The following HSD17B3 variants were observed in gnomAD, a reference collection of about 807,000 sequenced individuals.
The protein encoded by HSD17B3 is 17-beta-hydroxysteroid dehydrogenase type 3.
In HSD17B3, 29 loss-of-function variants were observed where a neutral mutation model predicts 41.1. That is an observed-to-expected ratio of 0.71 (90% CI 0.53 to 0.96). HSD17B3 has a LOEUF of 0.96. Ranked by LOEUF, HSD17B3 falls within the 40% of genes least tolerant of loss-of-function variation. The probability of loss-of-function intolerance (pLI) is 0.00; values close to 1 mark genes in which losing one functional copy is unlikely to be tolerated. For synonymous variants in HSD17B3, 126 were observed against 145.6 expected (o/e 0.87, Z 0.97); for missense variants, 323 against 374.6 (o/e 0.86, Z 1.14).
At chr9:96,289,114 A>AG (rs1440307391) in intron 2 of HSD17B3, among the ~76,000 whole-genome samples, 2 of 150,546 alleles carry the variant, frequency 1.3e-5, no homozygotes, top group Non-Finnish European at 2.9e-5. Flanking sequence ...ATCCCTAAAA[A>AG]AAAACAAAAA....
At chr9:96,266,104 G>A (rs1361056700) in intron 2 of HSD17B3, among the ~76,000 whole-genome samples, 1 of 152,202 alleles carries the variant, frequency 6.6e-6, no homozygotes, top group Non-Finnish European at 1.5e-5. Flanking sequence ...TAGAGATACA[G>A]GCAAGATTTA....
At chr9:96,286,703 A>C (rs10990237) in intron 2 of HSD17B3, among the ~76,000 whole-genome samples, 69 of 78,420 alleles carry the variant, frequency 8.8e-4, no homozygotes, top group Admixed American at 1.9e-3. Context: ...AAAAAAAAAC[A>C]AAAAAAAAAC....
chr9:96,249,883 G>A (rs1836825931), intron 5 of HSD17B3, 97 bp from the exon 6 acceptor site: 4 of 1,607,070 alleles, frequency 2.5e-6, no homozygotes, highest in Non-Finnish European at 3.4e-6. Context: ...GGGCAAAAGT[G>A]CATGTCTGAA....
intron 6 of HSD17B3, 120 bp downstream of exon 6, chr9:96,249,631 C>A: frequency 3.4e-6 from 3 of 886,640 alleles, no homozygotes; most frequent in Non-Finnish European, 5.6e-6. Flanking sequence ...GGCCTCTCAA[C>A]TAAGTGTGGT....
At chr9:96,299,377 G>A (rs1006603735) in intron 1 of HSD17B3, among the ~76,000 whole-genome samples, 2 of 152,146 alleles carry the variant, frequency 1.3e-5, no homozygotes, top group Non-Finnish European at 2.9e-5. Flanking sequence ...CTTCTAAGAG[G>A]CTCCATGCAC....
At chr9:96,259,842 A>G (rs1462112044) in intron 2 of HSD17B3, among the ~76,000 whole-genome samples, 1 of 152,142 alleles carries the variant, frequency 6.6e-6, no homozygotes, top group African/African-American at 2.4e-5. Flanking sequence ...TTACGCAGCC[A>G]CCTCGCAGAA....
chr9:96,275,103 A>AT (rs1358414594), intron 2 of HSD17B3, among the ~76,000 whole-genome samples: 1 of 152,122 alleles, frequency 6.6e-6, no homozygotes, highest in Non-Finnish European at 1.5e-5. Context: ...GAAAAAAAAA[A>AT]GCTGTCGACC....
At chr9:96,239,576 T>C (rs1836353791) in intron 10 of HSD17B3, 1 of 152,240 alleles carries the variant, frequency 6.6e-6, no homozygotes, top group Non-Finnish European at 1.5e-5. Flanking sequence ...CCAGAGTCTT[T>C]AAGTCCCAGC....
At chr9:96,273,545 G>A (rs188415927) in intron 2 of HSD17B3, among the ~76,000 whole-genome samples, 23 of 152,266 alleles carry the variant, frequency 1.5e-4, no homozygotes, top group Admixed American at 1.0e-3. Context: ...GACTTCAACA[G>A]TTTTCACAGA....
At chr9:96,244,466 C>T in intron 8 of HSD17B3, 72 bp from the exon 9 acceptor site, 2 of 1,382,218 alleles carry the variant, frequency 1.4e-6, no homozygotes, top group Non-Finnish European at 2.1e-6. Flanking sequence ...CCTCTGACTT[C>T]AAGGGGCACT....
At chr9:96,279,000 G>C (rs1826583397) in intron 2 of HSD17B3, among the ~76,000 whole-genome samples, 1 of 152,196 alleles carries the variant, frequency 6.6e-6, no homozygotes. Flanking sequence ...AATATTCTAA[G>C]GGGTGGATAC....
chr9:96,289,258 G>T (rs986045651), intron 2 of HSD17B3, among the ~76,000 whole-genome samples: 1 of 152,016 alleles, frequency 6.6e-6, no homozygotes, highest in African/African-American at 2.4e-5. Context: ...GGGGGAGACT[G>T]CGTGTGTGGG....
chr9:96,292,894 T>C (rs1442285685), intron 2 of HSD17B3, among the ~76,000 whole-genome samples: 3 of 152,186 alleles, frequency 2.0e-5, no homozygotes, highest in African/African-American at 4.8e-5. Context: ...ATTTTTCAAG[T>C]GCTGAAAGAA....
chr9:96,288,876 G>A (rs1216399882), intron 2 of HSD17B3, among the ~76,000 whole-genome samples: 5 of 151,318 alleles, frequency 3.3e-5, no homozygotes, highest in East Asian at 1.9e-4. Context: ...GGCGGAGCTC[G>A]CAATGAGCCG....
At chr9:96,239,603 T>A (rs987452432) in intron 10 of HSD17B3, 4 of 152,248 alleles carry the variant, frequency 2.6e-5, no homozygotes, top group African/African-American at 9.6e-5. Flanking sequence ...AGGAATGCTT[T>A]GGTAGACTTT....
intron 2 of HSD17B3, among the ~76,000 whole-genome samples, chr9:96,270,484 T>C (rs1196704366): frequency 1.3e-5 from 2 of 152,198 alleles, no homozygotes. Context: ...AGAGTGCAGA[T>C]GGAGGAATTT....
At chr9:96,261,401 T>C (rs1448250824) in intron 2 of HSD17B3, among the ~76,000 whole-genome samples, 3 of 152,198 alleles carry the variant, frequency 2.0e-5, no homozygotes, top group Non-Finnish European at 4.4e-5. Flanking sequence ...TCGCCGTGTT[T>C]CCAGGCTGGT....
At chr9:96,291,282 A>G (rs1827146103) in intron 2 of HSD17B3, among the ~76,000 whole-genome samples, 1 of 152,006 alleles carries the variant, frequency 6.6e-6, no homozygotes, top group Non-Finnish European at 1.5e-5. Flanking sequence ...GGAGAGCAGT[A>G]AAGAAGTGTT....
intron 9 of HSD17B3, 112 bp downstream of exon 9, chr9:96,244,217 C>A (rs1836564746): frequency 9.6e-7 from 1 of 1,045,520 alleles, no homozygotes; most frequent in Non-Finnish European, 1.5e-6. Flanking sequence ...CAGCCAGACC[C>A]ACAGGAGGCA....
Sources: gnomAD v4.1 joint callset for allele counts (sites outside exome capture counted in the v4.1 genomes callset) on GRCh38, gnomAD v4.1.1 for gene constraint, MANE v1.5 for transcripts, NCBI Gene and HGNC (gene_info 2026-07-23, HGNC 2026-07-21) for gene names.